Variants in RNF220 observed in about 807,000 individuals in gnomAD.
RNF220 encodes ring finger protein 220.
RNF220 carries 7 observed loss-of-function variants against 67.1 expected under a neutral mutation model. The observed-to-expected ratio is 0.10, with a 90% CI of 0.06 to 0.20. The LOEUF is 0.20. Ranked by LOEUF, RNF220 falls within the 10% of genes least tolerant of loss-of-function variation. RNF220 has a pLI of 1.00. For missense variants in RNF220, 565 were observed against 740.3 expected (o/e 0.76, Z 2.75); for synonymous variants, 270 against 283.2 (o/e 0.95, Z 0.47).
chr1:44,564,622 A>G (rs1663840190), intron 2 of RNF220, among the ~76,000 whole-genome samples: 1 of 151,990 alleles, frequency 6.6e-6, no homozygotes, highest in Non-Finnish European at 1.5e-5. Flanking sequence ...AGGCAGTGGC[A>G]TGCATCTGTA....
At chr1:44,644,307 G>A (rs572773004) in intron 8 of RNF220, 40 of 195,118 alleles carry the variant, frequency 2.1e-4, no homozygotes, top group African/African-American at 7.9e-4. Context: ...TGGATAATGG[G>A]GCATAGGGGA....
chr1:44,440,571 G>T (rs1326426809), intron 2 of RNF220, among the ~76,000 whole-genome samples: 1 of 152,202 alleles, frequency 6.6e-6, no homozygotes, highest in African/African-American at 2.4e-5. Context: ...GAGACTCAGA[G>T]AATTTAAGAC....
chr1:44,437,563 T>A (rs1484354835), intron 2 of RNF220, among the ~76,000 whole-genome samples: 1 of 152,164 alleles, frequency 6.6e-6, no homozygotes, highest in African/African-American at 2.4e-5. Flanking sequence ...TGGGCTGTAT[T>A]TGGCGAGCAT....
At chr1:44,528,528 T>G (rs272539) in intron 2 of RNF220, among the ~76,000 whole-genome samples, 3 of 151,644 alleles carry the variant, frequency 2.0e-5, no homozygotes, top group African/African-American at 7.3e-5. Flanking sequence ...TCTCAATCTC[T>G]TGACCTTGTG....
At chr1:44,451,493 C>G (rs1349413880) in intron 2 of RNF220, among the ~76,000 whole-genome samples, 1 of 152,076 alleles carries the variant, frequency 6.6e-6, no homozygotes, top group Non-Finnish European at 1.5e-5. Context: ...AAGGTTCTCT[C>G]CATTACATTA....
At chr1:44,595,220 C>G (rs932012477) in intron 2 of RNF220, among the ~76,000 whole-genome samples, 1 of 152,138 alleles carries the variant, frequency 6.6e-6, no homozygotes, top group Non-Finnish European at 1.5e-5. Flanking sequence ...AAGGAAGGCC[C>G]GAGGTAGGGG....
intron 2 of RNF220, among the ~76,000 whole-genome samples, chr1:44,589,241 C>T (rs1284950038): frequency 6.6e-6 from 1 of 152,222 alleles, no homozygotes; most frequent in African/African-American, 2.4e-5. Context: ...CCCTCCATTT[C>T]CCAGCTGTGT....
intron 2 of RNF220, among the ~76,000 whole-genome samples, chr1:44,479,177 G>A (rs538228247): frequency 3.3e-5 from 5 of 150,552 alleles, no homozygotes; most frequent in South Asian, 4.2e-4. Context: ...GTGCAGTGGC[G>A]CATTCTCGGC....
intron 2 of RNF220, among the ~76,000 whole-genome samples, chr1:44,470,075 A>G (rs940586950): frequency 6.6e-6 from 1 of 152,204 alleles, no homozygotes; most frequent in South Asian, 2.1e-4. Context: ...ACAAGAGCAG[A>G]TGTGCAGAGG....
At chr1:44,424,001 CTCTTA>C in intron 2 of RNF220, 1 of 985,434 alleles carries the variant, frequency 1.0e-6, no homozygotes, top group Non-Finnish European at 1.2e-6. Context: ...CTTCCCTGGC[CTCTTA>C]TCTTCATCAT....
chr1:44,508,339 A>G (rs569753915), intron 2 of RNF220, among the ~76,000 whole-genome samples: 6 of 151,828 alleles, frequency 4.0e-5, no homozygotes, highest in African/African-American at 1.2e-4. Flanking sequence ...TTGTAAGGAG[A>G]GATGGGCGAG....
At chr1:44,418,859 GAC>G (rs1648898785) in intron 2 of RNF220, among the ~76,000 whole-genome samples, 2 of 152,118 alleles carry the variant, frequency 1.3e-5, no homozygotes, top group Admixed American at 6.5e-5. Context: ...GATTTGGAGT[GAC>G]AGCATATTTA....
chr1:44,501,910 A>G (rs1390660538), intron 2 of RNF220, among the ~76,000 whole-genome samples: 2 of 152,162 alleles, frequency 1.3e-5, no homozygotes, highest in Non-Finnish European at 2.9e-5. Context: ...ACTCTTTGAA[A>G]TAGGCAGCAT....
chr1:44,485,588 G>A (rs757265280), intron 2 of RNF220, among the ~76,000 whole-genome samples: 1 of 152,194 alleles, frequency 6.6e-6, no homozygotes, highest in Non-Finnish European at 1.5e-5. Context: ...TCAGGCAGCC[G>A]CTGGAGCCAG....
intron 2 of RNF220, among the ~76,000 whole-genome samples, chr1:44,472,256 G>T (rs1341659366): frequency 6.6e-6 from 1 of 152,166 alleles, no homozygotes; most frequent in Non-Finnish European, 1.5e-5. Flanking sequence ...GCTGGGTCAC[G>T]TGATAACTGT....
At chr1:44,453,735 CTTCTT>C (rs1283230154) in intron 2 of RNF220, among the ~76,000 whole-genome samples, 2 of 151,732 alleles carry the variant, frequency 1.3e-5, no homozygotes, top group African/African-American at 2.4e-5. Context: ...AGCTAGTAGT[CTTCTT>C]TATTTATGCT....
At chr1:44,474,362 G>A (rs1049595177) in intron 2 of RNF220, among the ~76,000 whole-genome samples, 7 of 147,842 alleles carry the variant, frequency 4.7e-5, no homozygotes, top group Non-Finnish European at 7.4e-5. Flanking sequence ...GTGACAGAGC[G>A]AGACTCTGTC....
intron 2 of RNF220, among the ~76,000 whole-genome samples, chr1:44,582,038 A>C (rs1294893898): frequency 6.6e-6 from 1 of 152,210 alleles, no homozygotes; most frequent in Admixed American, 6.5e-5. Flanking sequence ...ACTTCCTTAC[A>C]GCTAAACGGA....
At chr1:44,533,128 A>T (rs149311639) in intron 2 of RNF220, among the ~76,000 whole-genome samples, 35 of 152,350 alleles carry the variant, frequency 2.3e-4, no homozygotes, top group African/African-American at 8.4e-4. Context: ...CCCAGCTTTG[A>T]GTCCTAAAGG....
Sources: gnomAD v4.1 joint callset for allele counts (sites outside exome capture counted in the v4.1 genomes callset) on GRCh38, gnomAD v4.1.1 for gene constraint, MANE v1.5 for transcripts, NCBI Gene and HGNC (gene_info 2026-07-23, HGNC 2026-07-21) for gene names.